The following CYP2C18 variants were observed in gnomAD, a reference collection of about 807,000 sequenced individuals.
CYP2C18 encodes the protein cytochrome P450 family 2 subfamily C member 18.
In CYP2C18, 38 loss-of-function variants were observed where a neutral mutation model predicts 41.3. The observed-to-expected ratio is 0.92, with a 90% confidence interval of 0.71 to 1.21. The LOEUF is 1.21. Among genes scored for constraint, CYP2C18 ranks in the 50% most tolerant of loss-of-function variants. The pLI is 0.00. For missense variants in CYP2C18, 635 were observed against 591.4 expected, an observed-to-expected ratio of 1.07 and a Z score of -0.77; for synonymous variants, 236 against 210.0, an observed-to-expected ratio of 1.12 and a Z score of -1.07.
chr10:94,728,497 C>A (rs1405088777), intron 7 of CYP2C18: 15 of 210,334 alleles, frequency 7.1e-5, no homozygotes, highest in Non-Finnish European at 1.2e-4. Flanking sequence ...ATGGTCCTAC[C>A]TGAATGGCTG....
Position 94,706,945 on chromosome 10 carries a change from G to T in CYP2C18, c.804G>T (p.Leu268=), listed in dbSNP as rs1352665209. 2 of 1,607,320 alleles carry T rather than the reference G, an allele frequency of 1.2e-6. No homozygotes were observed. Among genetic ancestry groups the T allele is most frequent in the Non-Finnish European group, 1.7e-6 (2 of 1,178,114 alleles). The change falls in exon 5 of 9, where the codon CTG becomes CTT. Residue 268 remains leucine, a synonymous_variant. Transcript: ENST00000285979. ...NSARDFIDCF[L]IKMEQEKHNQ... ...CTCGGGACTTTATTGATTGTTTCCT[G>T]ATCAAAATGGAACAGGTAAAATGTT...
intron 8 of CYP2C18, 112 bp from the exon 9 acceptor site, chr10:94,735,151 C>G: frequency 9.2e-7 from 1 of 1,081,638 alleles, no homozygotes; most frequent in Non-Finnish European, 1.4e-6. Flanking sequence ...AGTCATTCTG[C>G]CTTCGATCCA....
rs1336215704 is a variant in CYP2C18 at position 94,735,491 on chromosome 10, T to G, written c.*47T>G. ...GCTCCTGTGCTGTCACCTGCAATTC[T>G]CCCTTATCAGGGCCATTGGCCTCTC... On this transcript the variant is annotated 3_prime_UTR_variant, in exon 9 of 9. Coordinates refer to ENST00000285979, the MANE Select transcript of CYP2C18 (RefSeq NM_000772.3). The G allele has an allele frequency of 2.5e-6, 4 of 1,592,990 alleles. No homozygotes were observed. Among genetic ancestry groups the G allele is most frequent in the Non-Finnish European group, 3.4e-6 (4 of 1,161,778 alleles).
At chr10:94,692,474 T>C (rs61886195) in intron 3 of CYP2C18, among the ~76,000 whole-genome samples, 2 of 151,972 alleles carry the variant, frequency 1.3e-5, no homozygotes, top group African/African-American at 2.4e-5. Flanking sequence ...CAATGAGATA[T>C]CATCTCACAC....
chr10:94,701,916 A>G (rs2134187226), intron 4 of CYP2C18, among the ~76,000 whole-genome samples: 1 of 152,346 alleles, frequency 6.6e-6, no homozygotes, highest in African/African-American at 2.4e-5. Context: ...GGGCAGTGGC[A>G]TTACAGAAAC....
intron 4 of CYP2C18, among the ~76,000 whole-genome samples, chr10:94,702,968 T>C (rs968950048): frequency 6.6e-6 from 1 of 152,204 alleles, no homozygotes; most frequent in African/African-American, 2.4e-5. Context: ...TGTTTGTTAG[T>C]TTTCCTCCTA....
At chr10:94,690,077 C>A (rs1377820566) in intron 3 of CYP2C18, among the ~76,000 whole-genome samples, 1 of 152,042 alleles carries the variant, frequency 6.6e-6, no homozygotes, top group Non-Finnish European at 1.5e-5. Flanking sequence ...GTGGAGTGCC[C>A]CTCCTTTAGG....
At chr10:94,717,711 A>G in intron 5 of CYP2C18, among the ~76,000 whole-genome samples, 1 of 152,074 alleles carries the variant, frequency 6.6e-6, no homozygotes, top group Admixed American at 6.6e-5. Flanking sequence ...TATTTAAGAG[A>G]CTGTCCCCTT....
chr10:94,711,367 TC>T, intron 5 of CYP2C18, among the ~76,000 whole-genome samples: 1 of 152,184 alleles, frequency 6.6e-6, no homozygotes, highest in South Asian at 2.1e-4. Flanking sequence ...TTTGCACATT[TC>T]CGAGTTCATA....
At chr10:94,728,261 T>G (rs1401574868) in intron 7 of CYP2C18, among the ~76,000 whole-genome samples, 1 of 152,142 alleles carries the variant, frequency 6.6e-6, no homozygotes, top group Admixed American at 6.6e-5. Flanking sequence ...TTATGTGTTT[T>G]TGGCAAGAAA....
chr10:94,689,598 G>T (rs1330520668), intron 3 of CYP2C18, among the ~76,000 whole-genome samples: 1 of 151,834 alleles, frequency 6.6e-6, no homozygotes, highest in Non-Finnish European at 1.5e-5. Flanking sequence ...ACTCCTCTTG[G>T]ATACCAAAAT....
chr10:94,700,087 A>G (rs111763882), intron 4 of CYP2C18, among the ~76,000 whole-genome samples: 3,142 of 152,296 alleles, frequency 0.021, 112 homozygotes, highest in African/African-American at 0.064. Context: ...CATTTCCATC[A>G]ATCTACCAAT....
At chr10:94,725,992 T>C (rs1164133939) in intron 7 of CYP2C18, among the ~76,000 whole-genome samples, 1 of 152,124 alleles carries the variant, frequency 6.6e-6, no homozygotes. Context: ...TCTATTCTTT[T>C]TGTGCTCACT....
rs199801046 is a variant in CYP2C18, at chr10:94,720,568, T to C, written c.961+31T>C. 1.7e-4 allele frequency: 277 copies of C among 1,597,498 alleles called. 5 individuals carry two copies. The South Asian group carries it at 2.9e-3, about 17-fold the overall frequency. The stretch of plus-strand genomic sequence containing the variant: ...ATGATACCATAGGTGAGCAGGGTGA[T>C]TTTCAGAAAAGATGTTGGGAAGACA... On this transcript the variant is annotated intron_variant, in intron 6 of 8. Coordinates refer to ENST00000285979, the MANE Select transcript of CYP2C18 (RefSeq NM_000772.3).
intron 4 of CYP2C18, among the ~76,000 whole-genome samples, chr10:94,704,284 G>A (rs1847297765): frequency 6.6e-6 from 1 of 151,310 alleles, no homozygotes; most frequent in African/African-American, 2.4e-5. Context: ...CTGGAAATCA[G>A]AGTCTTTCCT....
intron 5 of CYP2C18, among the ~76,000 whole-genome samples, chr10:94,720,073 A>G (rs1336987983): frequency 1.3e-5 from 2 of 152,056 alleles, no homozygotes; most frequent in African/African-American, 2.4e-5. Flanking sequence ...ACCTTCATAT[A>G]TGTGTTTTGA....
rs1319035806 is a variant in CYP2C18, at chr10:94,718,919, A to G, written c.820-1477A>G. On this transcript the variant is annotated intron_variant, in intron 5 of 8. Coordinates refer to ENST00000285979, the MANE Select transcript of CYP2C18 (RefSeq NM_000772.3). ...CACAGGGAGAAGCTGGATGTTGGGG[A>G]TTCATTCTCAATTGTATGGTGTAGT... Among the ~76,000 whole-genome samples the G allele has an allele frequency of 2.2e-4, 33 of 152,018 alleles. 1 individual carries two copies. Among genetic ancestry groups the G allele is most frequent in the Non-Finnish European group, 1.2e-4 (8 of 67,992 alleles).
At chr10:94,718,505 T>C (rs1238798197) in intron 5 of CYP2C18, among the ~76,000 whole-genome samples, 6 of 152,176 alleles carry the variant, frequency 3.9e-5, no homozygotes, top group Admixed American at 3.9e-4. Flanking sequence ...AGAGTGGGCA[T>C]CCATATCTTT....
intron 5 of CYP2C18, among the ~76,000 whole-genome samples, chr10:94,715,614 G>A (rs1022556064): frequency 1.3e-5 from 2 of 152,136 alleles, no homozygotes; most frequent in Admixed American, 6.6e-5. Flanking sequence ...TTGTATCGAT[G>A]TGCATCAGGA....
Sources: gnomAD v4.1 joint callset for allele counts (sites outside exome capture counted in the v4.1 genomes callset) on GRCh38, gnomAD v4.1.1 for gene constraint, MANE v1.5 for transcripts, NCBI Gene and HGNC (gene_info 2026-07-23, HGNC 2026-07-21) for gene names.